Variants in PARP12 observed in about 807,000 individuals in gnomAD.
PARP12 encodes the protein protein mono-ADP-ribosyltransferase PARP12.
Under a neutral mutation model 72.4 loss-of-function variants are expected in PARP12, and 59 were observed. That is an observed-to-expected ratio of 0.81 (90% CI 0.66 to 1.01). The LOEUF is 1.01. Among genes scored for constraint, PARP12 ranks in the 50% least tolerant of loss-of-function variants. The probability of loss-of-function intolerance (pLI) is 0.00; values close to 1 mark genes in which losing one functional copy is unlikely to be tolerated. For missense variants in PARP12, 851 were observed against 914.0 expected, an observed-to-expected ratio of 0.93 and a Z score of 0.89; for synonymous variants, 403 against 371.4, an observed-to-expected ratio of 1.09 and a Z score of -0.98.
At chr7:140,060,232 C>G (rs1817388347) in intron 1 of PARP12, among the ~76,000 whole-genome samples, 1 of 152,152 alleles carries the variant, frequency 6.6e-6, no homozygotes, top group Admixed American at 6.5e-5. Context: ...GAGCAGAGCC[C>G]AGGTTGAAAC....
chr7:140,028,290 C>T lies in PARP12; in HGVS notation c.1497+323G>A, dbSNP rs77734062. 7.2e-3 allele frequency among the ~76,000 whole-genome samples: 1,100 copies of T among 152,254 alleles called. 15 individuals carry two copies. The highest frequency in any genetic ancestry group is 0.024 in the African/African-American group (1,001 of 41,530). Reference sequence around the variant, plus strand: ...CTCCCCAGGCTGCTTCTCCTTTTCTCGCTTAATAAAATTGGTATTTATTGG... The same window carrying T: ...CTCCCCAGGCTGCTTCTCCTTTTCTTGCTTAATAAAATTGGTATTTATTGG... On this transcript the variant is annotated intron_variant, in intron 9 of 11. Coordinates refer to ENST00000263549, the MANE Select transcript of PARP12 (RefSeq NM_022750.4).
intron 8 of PARP12, among the ~76,000 whole-genome samples, chr7:140,029,916 G>C (rs543117350): frequency 3.3e-4 from 50 of 152,262 alleles, no homozygotes; most frequent in African/African-American, 1.2e-3. Flanking sequence ...AGAACAGTGA[G>C]AACTTGAATA....
intron 1 of PARP12, among the ~76,000 whole-genome samples, chr7:140,059,137 C>T (rs537732876): frequency 1.3e-5 from 2 of 151,970 alleles, no homozygotes; most frequent in African/African-American, 4.8e-5. Context: ...ACCAGCATGT[C>T]TACATGACAA....
intron 4 of PARP12, among the ~76,000 whole-genome samples, chr7:140,048,987 C>T (rs1207586033): frequency 6.6e-6 from 1 of 152,026 alleles, no homozygotes; most frequent in Non-Finnish European, 1.5e-5. Context: ...ATTTGTATTT[C>T]AAAATAATAA....
chr7:140,041,887 GAC>G (rs1363016821), intron 5 of PARP12, 48 bp from the exon 6 acceptor site: 1 of 1,473,034 alleles, frequency 6.8e-7, no homozygotes, highest in African/African-American at 1.4e-5. Context: ...CAGCCAAGCA[GAC>G]ACAGGTCCCT....
rs760346618 is a variant in PARP12 at position 140,046,984 on chromosome 7, G to GGAAAT, written c.881_885dup (p.His296IlefsTer34). 6.2e-7 allele frequency: 1 copy of GGAAAT among 1,613,510 alleles called. No individual in the cohort carries two copies. Among genetic ancestry groups the GGAAAT allele is most frequent in the South Asian group, 1.1e-5 (1 of 90,942 alleles). The stretch of plus-strand genomic sequence containing the variant: ...AAGAATTGCCATCGATACGGCAAAT[G>GGAAAT]GAAATGAACTCTATGGCACTTATCT... On this transcript the variant is annotated frameshift_variant, in exon 5 of 12. Coordinates refer to ENST00000263549, the MANE Select transcript of PARP12 (RefSeq NM_022750.4). LOFTEE classifies it high-confidence loss of function.
chr7:140,054,040 T>C (rs1049033264), intron 4 of PARP12, among the ~76,000 whole-genome samples: 37 of 152,136 alleles, frequency 2.4e-4, no homozygotes, highest in African/African-American at 6.5e-4. Context: ...AGTTTGGTGG[T>C]TGTCAAGGGG....
At chr7:140,058,947 T>A (rs574869744) in intron 1 of PARP12, among the ~76,000 whole-genome samples, 1 of 151,700 alleles carries the variant, frequency 6.6e-6, no homozygotes, top group Admixed American at 6.6e-5. Flanking sequence ...AATACAAAAT[T>A]AGCCGGGCGA....
At chr7:140,052,428 C>T (rs1263962117) in intron 4 of PARP12, among the ~76,000 whole-genome samples, 1 of 152,148 alleles carries the variant, frequency 6.6e-6, no homozygotes, top group Non-Finnish European at 1.5e-5. Flanking sequence ...CATTTATAAA[C>T]TGATTTCTTT....
intron 5 of PARP12, among the ~76,000 whole-genome samples, chr7:140,042,487 A>G (rs1779965645): frequency 6.6e-6 from 1 of 152,254 alleles, no homozygotes; most frequent in African/African-American, 2.4e-5. Context: ...GGCGAGAGCC[A>G]GCAGCTATCC....
At chr7:140,045,982 G>A (rs1163195071) in intron 5 of PARP12, among the ~76,000 whole-genome samples, 1 of 151,782 alleles carries the variant, frequency 6.6e-6, no homozygotes, top group African/African-American at 2.4e-5. Context: ...CAGAACGGTG[G>A]TGAACGATGG....
intron 9 of PARP12, 126 bp from the exon 10 acceptor site, chr7:140,027,532 T>TGTGG: frequency 3.4e-6 from 4 of 1,177,572 alleles, no homozygotes; most frequent in Non-Finnish European, 4.8e-6. Flanking sequence ...AGTGACCACA[T>TGTGG]TCTCCTGTGG....
intron 7 of PARP12, among the ~76,000 whole-genome samples, chr7:140,036,261 A>G (rs748120277): frequency 6.6e-5 from 10 of 152,204 alleles, no homozygotes; most frequent in Non-Finnish European, 1.0e-4. Context: ...TATTTTCCAG[A>G]TATTTAAAAG....
At chr7:140,051,504 C>T (rs1191966438) in intron 4 of PARP12, among the ~76,000 whole-genome samples, 2 of 152,028 alleles carry the variant, frequency 1.3e-5, no homozygotes, top group Non-Finnish European at 2.9e-5. Context: ...GACTTTCCTG[C>T]CTCATCCTCC....
intron 10 of PARP12, among the ~76,000 whole-genome samples, chr7:140,026,567 C>T (rs1815746328): frequency 6.6e-6 from 1 of 152,188 alleles, no homozygotes; most frequent in Non-Finnish European, 1.5e-5. Flanking sequence ...ACCCTCCCTC[C>T]ACAGCTCCAG....
chr7:140,056,821 TC>T, intron 3 of PARP12, 34 bp downstream of exon 3: 1 of 1,544,228 alleles, frequency 6.5e-7, no homozygotes, highest in South Asian at 1.3e-5. Context: ...CCTCCCGTGC[TC>T]CCCACCAGCC....
chr7:140,057,578 G>A (rs1248697663), intron 2 of PARP12: 1 of 392,956 alleles, frequency 2.5e-6, no homozygotes, highest in South Asian at 4.5e-5. Flanking sequence ...GGCTCTGAGG[G>A]CTTAAAGCAT....
Position 140,058,021 on chromosome 7 carries a change from T to C in PARP12, c.340A>G (p.Asn114Asp), listed in dbSNP as rs575504121. The change falls in exon 2 of 12, where the codon AAT becomes GAT. Residue 114 changes from asparagine to aspartate, a missense_variant. Physicochemically the swap from Asn to Asp is conservative, Grantham distance 23 (BLOSUM62 1). Coordinates refer to ENST00000263549, the MANE Select transcript of PARP12 (RefSeq NM_022750.4). ...TGTTCGGTTGTCAAGCTGTGACTAT[T>C]CCTACAGTTCTTCCTGCAAAGAAGC... ...KFLRAGKNCR[N>D]SHSLTTEHNL... The C allele has an allele frequency of 1.2e-6, 2 of 1,614,252 alleles. No individual in the cohort carries two copies. The highest frequency in any genetic ancestry group is 2.7e-5 in the African/African-American group (2 of 75,072).
chr7:140,029,786 G>A (rs563633918), intron 8 of PARP12, among the ~76,000 whole-genome samples: 1 of 152,324 alleles, frequency 6.6e-6, no homozygotes, highest in Admixed American at 6.5e-5. Context: ...AGGCTTAATA[G>A]CAGATTAGAC....
Sources: gnomAD v4.1 joint callset for allele counts (sites outside exome capture counted in the v4.1 genomes callset) on GRCh38, gnomAD v4.1.1 for gene constraint, MANE v1.5 for transcripts, NCBI Gene and HGNC (gene_info 2026-07-23, HGNC 2026-07-21) for gene names.